Variants in RNF212 observed in about 807,000 individuals in gnomAD.
RNF212 encodes ring finger protein 212, also known as probable E3 SUMO-protein ligase RNF212.
A neutral mutation model predicts 34.7 loss-of-function variants in RNF212; 33 were observed. The ratio of observed to expected loss-of-function variants is 0.95; its 90% CI spans 0.72 to 1.27. RNF212 has a LOEUF of 1.27. Ranked by LOEUF, RNF212 falls within the 50% of genes most tolerant of loss-of-function variation. The pLI is 0.00. For missense variants in RNF212, 377 were observed against 362.2 expected (o/e 1.04, Z -0.33); for synonymous variants, 140 against 136.1 (o/e 1.03, Z -0.20).
intron 1 of RNF212, 28 bp downstream of exon 1, chr4:1,113,328 C>T (rs1365726414): frequency 6.6e-7 from 1 of 1,519,718 alleles, no homozygotes; most frequent in East Asian, 2.6e-5. Context: ...CCCCTCCCCT[C>T]TCCAGCCTGC....
intron 3 of RNF212, 92 bp from the exon 4 acceptor site, chr4:1,090,930 C>T (rs376855822): frequency 2.6e-5 from 21 of 794,198 alleles, no homozygotes; most frequent in East Asian, 1.7e-4. Context: ...GAGGGACTCT[C>T]AGGAGAGCTC....
chr4:1,069,846 G>C (rs1051001598), downstream of RNF212, among the ~76,000 whole-genome samples: 1 of 152,254 alleles, frequency 6.6e-6, no homozygotes, highest in Admixed American at 6.5e-5. Flanking sequence ...CCAGAGGAGA[G>C]AGAAGAGATG....
At chr4:1,080,221 C>T (rs11732520) in intron 7 of RNF212, among the ~76,000 whole-genome samples, 95,129 of 152,034 alleles carry the variant, frequency 0.63, 30,222 homozygotes, top group Middle Eastern at 0.7. Context: ...CCTTATGGCT[C>T]GTGATCTCTG....
chr4:1,100,911 C>CTGCT (rs1346551220), intron 2 of RNF212: 1 of 167,112 alleles, frequency 6.0e-6, no homozygotes, highest in African/African-American at 2.4e-5. Flanking sequence ...AGTTCCTTTA[C>CTGCT]TGCTGCTAGA....
At chr4:1,070,514 T>C (rs1478836144), downstream of RNF212, among the ~76,000 whole-genome samples, 64 of 85,618 alleles carry the variant, frequency 7.5e-4, no homozygotes, top group African/African-American at 1.9e-3. Flanking sequence ...TGGGTGGTTT[T>C]GTAGGGCTGT....
At chr4:1,078,160 C>A (rs1278621377) in intron 8 of RNF212, among the ~76,000 whole-genome samples, 1 of 152,214 alleles carries the variant, frequency 6.6e-6, no homozygotes, top group Non-Finnish European at 1.5e-5. Flanking sequence ...CAATGAGCCA[C>A]ACTGTGTCGC....
intron 2 of RNF212, among the ~76,000 whole-genome samples, chr4:1,102,718 G>A (rs887546576): frequency 2.0e-5 from 3 of 148,500 alleles, no homozygotes; most frequent in Non-Finnish European, 3.0e-5. Context: ...CGGGCGTGGT[G>A]GTGGGCCCCT....
intron 4 of RNF212, among the ~76,000 whole-genome samples, chr4:1,086,382 T>C (rs908440336): frequency 2.6e-5 from 4 of 151,768 alleles, no homozygotes; most frequent in Non-Finnish European, 5.9e-5. Flanking sequence ...GACTAGAGTC[T>C]AGGATCCCAC....
chr4:1,086,545 T>C (rs1168927272), intron 4 of RNF212, among the ~76,000 whole-genome samples: 1 of 89,546 alleles, frequency 1.1e-5, no homozygotes, highest in Non-Finnish European at 2.2e-5. Context: ...AGGAGTATGA[T>C]GGGGCTGTGG....
chr4:1,095,216 T>C (rs7670185), intron 3 of RNF212, among the ~76,000 whole-genome samples: 612 of 21,186 alleles, frequency 0.029, 1 homozygote, highest in Admixed American at 0.039. Context: ...CCAAGCACAC[T>C]CCCCACAGCT....
At chr4:1,078,289 C>T (rs1719666024) in intron 8 of RNF212, among the ~76,000 whole-genome samples, 1 of 152,192 alleles carries the variant, frequency 6.6e-6, no homozygotes, top group African/African-American at 2.4e-5. Flanking sequence ...CCCCTCCTGC[C>T]CCACAGGCTT....
At chr4:1,103,888 G>A (rs62294756) in intron 2 of RNF212, among the ~76,000 whole-genome samples, 28,511 of 152,090 alleles carry the variant, frequency 0.19, 3,409 homozygotes, top group East Asian at 0.38. Flanking sequence ...AGCCAATGCT[G>A]TAAAAAAAAG....
At position 1,078,993 on chromosome 4, in the gene RNF212, C is replaced by T. The variant is rs997083457; in HGVS notation, c.510+650G>A. Among the ~76,000 whole-genome samples the T allele has an allele frequency of 1.1e-4, 15 of 142,324 alleles. 1 individual carries two copies. Among genetic ancestry groups the T allele is most frequent in the African/African-American group, 3.7e-4 (13 of 34,710 alleles). The allele number at this position is 142,324 out of a possible 152,430, so 93.4% of individuals were successfully genotyped here. ...GGACCAACACAGGGTCAACACAGGA[C>T]CAACATAGGACCAACACAGGGTCAA... On this transcript the variant is annotated intron_variant, in intron 8 of 9. Transcript: ENST00000433731.
chr4:1,113,510 C>A lies in RNF212; in HGVS notation c.-46G>T. The A allele has an allele frequency of 6.5e-7, 1 of 1,537,568 alleles. No homozygotes were observed. Among genetic ancestry groups the A allele is most frequent in the African/African-American group, 1.4e-5 (1 of 71,528 alleles). On this transcript the variant is annotated 5_prime_UTR_variant, in exon 1 of 10. Coordinates refer to ENST00000433731, the MANE Select transcript of RNF212 (RefSeq NM_001131034.4). ...GGCGAGGCCGGGCCCACGCGAAGCC[C>A]ACGCAAGGTTGGGACCAGCCTCCCC... is the stretch of plus-strand genomic sequence containing the variant.
intron 3 of RNF212, among the ~76,000 whole-genome samples, chr4:1,059,514 C>A (rs1401700688): frequency 1.5e-5 from 2 of 135,332 alleles, no homozygotes; most frequent in African/African-American, 2.9e-5. Context: ...AAATCCAGAG[C>A]CCGTGTTCAG....
intron 2 of RNF212, among the ~76,000 whole-genome samples, chr4:1,107,992 T>A (rs1210077183): frequency 1.3e-5 from 2 of 152,202 alleles, no homozygotes; most frequent in Non-Finnish European, 2.9e-5. Context: ...ATTTTAAACT[T>A]ACTTTATGAA....
intron 8 of RNF212, among the ~76,000 whole-genome samples, chr4:1,077,524 A>C (rs923357462): frequency 5.9e-5 from 9 of 152,188 alleles, no homozygotes; most frequent in Non-Finnish European, 8.8e-5. Flanking sequence ...TGAGCCCGAC[A>C]TGCCTGCTGC....
At chr4:1,090,633 G>A (rs1343543575) in intron 4 of RNF212, 149 bp downstream of exon 4, 1 of 637,264 alleles carries the variant, frequency 1.6e-6, no homozygotes, top group Non-Finnish European at 2.8e-6. Context: ...AGGAGACAGT[G>A]ACAACGTCCC....
At position 1,095,230 on chromosome 4, in the gene RNF212, T is replaced by C. The variant is rs371780652; in HGVS notation, c.246+1535A>G. ...ACCAAGCACACTCCCCACAGCTCCA[T>C]GGTCTCGGGATAGCGCACCTGGCTC... On this transcript the variant is annotated intron_variant, in intron 3 of 9. Transcript: ENST00000433731. 4.1e-4 allele frequency among the ~76,000 whole-genome samples: 36 copies of C among 86,778 alleles called. 1 individual carries two copies. Among genetic ancestry groups the C allele is most frequent in the South Asian group, 1.6e-3 (4 of 2,510 alleles). 56.9% of individuals were successfully genotyped at this position (86,778 alleles called of 152,430 possible). A position where few individuals can be genotyped will look rare whatever the true frequency, so the allele number is the denominator to read the frequency against.
Sources: allele counts gnomAD v4.1 joint callset (sites outside exome capture counted in the v4.1 genomes callset), GRCh38; gene constraint gnomAD v4.1.1; transcripts MANE v1.5; gene names NCBI Gene and HGNC (gene_info 2026-07-23, HGNC 2026-07-21).